Variants in KCND2 observed in about 807,000 individuals in gnomAD.
KCND2 encodes potassium voltage-gated channel subfamily D member 2.
A neutral mutation model predicts 54.4 loss-of-function variants in KCND2; 16 were observed. That is an observed-to-expected ratio of 0.29 (90% CI 0.20 to 0.45). The LOEUF (loss-of-function observed/expected upper bound fraction) is 0.45. Among genes scored for constraint, KCND2 ranks in the 20% least tolerant of loss-of-function variants. The pLI is 1.00. For missense variants in KCND2, 486 were observed against 824.2 expected (o/e 0.59, Z 5.02); for synonymous variants, 317 against 310.7 (o/e 1.02, Z -0.21).
At chr7:120,451,086 C>G (rs1178897016) in intron 1 of KCND2, among the ~76,000 whole-genome samples, 3 of 152,198 alleles carry the variant, frequency 2.0e-5, no homozygotes, top group African/African-American at 7.2e-5. Context: ...CACCTACCCT[C>G]TTACCCACAG....
intron 1 of KCND2, among the ~76,000 whole-genome samples, chr7:120,644,474 A>G (rs1051548489): frequency 2.6e-5 from 4 of 152,210 alleles, no homozygotes; most frequent in African/African-American, 9.6e-5. Flanking sequence ...AGAAAATAAC[A>G]AACTACCAGG....
At chr7:120,320,742 A>T (rs563500562) in intron 1 of KCND2, among the ~76,000 whole-genome samples, 1 of 152,228 alleles carries the variant, frequency 6.6e-6, no homozygotes, top group South Asian at 2.1e-4. Context: ...GCAAAGAACT[A>T]AGAGTCTAAG....
In KCND2 at chr7:120,494,808, A is replaced by T. The variant is rs182415039; in HGVS notation, c.1115+219061A>T. On this transcript the variant is annotated intron_variant, in intron 1 of 5. Coordinates refer to ENST00000331113, the MANE Select transcript of KCND2 (RefSeq NM_012281.3). Reference sequence around the variant, plus strand: ...GAAAATGATTATATCACAGCATTTTAAAGTAGATAACATGTCTGAAAATAG... The same window carrying T: ...GAAAATGATTATATCACAGCATTTTTAAGTAGATAACATGTCTGAAAATAG... Among the ~76,000 whole-genome samples, 583 of 152,120 alleles carry T rather than the reference A, an allele frequency of 3.8e-3. 4 individuals carry two copies. The highest frequency in any genetic ancestry group is 0.013 in the African/African-American group (534 of 41,556).
At chr7:120,745,691 G>A in intron 4 of KCND2, 89 bp from the exon 5 acceptor site, 1 of 1,358,624 alleles carries the variant, frequency 7.4e-7, no homozygotes, top group Non-Finnish European at 1.0e-6. Context: ...CTATACTTGG[G>A]CAGATTTGAG....
intron 1 of KCND2, among the ~76,000 whole-genome samples, chr7:120,602,148 T>G (rs1792821364): frequency 6.6e-6 from 1 of 152,180 alleles, no homozygotes. Flanking sequence ...AGTAAAGTCA[T>G]GTAAATAGCA....
At chr7:120,293,037 T>C (rs1420246763) in intron 1 of KCND2, among the ~76,000 whole-genome samples, 2 of 151,936 alleles carry the variant, frequency 1.3e-5, no homozygotes, top group African/African-American at 4.8e-5. Context: ...TCAGGTCTTT[T>C]ACTTTTATTT....
At chr7:120,460,454 C>G (rs979759670) in intron 1 of KCND2, among the ~76,000 whole-genome samples, 2 of 151,912 alleles carry the variant, frequency 1.3e-5, no homozygotes, top group African/African-American at 4.8e-5. Context: ...AGTATCTCTT[C>G]AAGCATCAGG....
chr7:120,297,845 T>G (rs1799532338), intron 1 of KCND2, among the ~76,000 whole-genome samples: 1 of 152,128 alleles, frequency 6.6e-6, no homozygotes, highest in South Asian at 2.1e-4. Context: ...TAAATAATAT[T>G]AACTTTGCAT....
At chr7:120,593,686 A>G (rs1168375730) in intron 1 of KCND2, among the ~76,000 whole-genome samples, 2 of 152,172 alleles carry the variant, frequency 1.3e-5, no homozygotes, top group Non-Finnish European at 2.9e-5. Context: ...TATATAAACG[A>G]CCATGCATAA....
At chr7:120,637,912 G>A (rs1344541837) in intron 1 of KCND2, among the ~76,000 whole-genome samples, 1 of 151,728 alleles carries the variant, frequency 6.6e-6, no homozygotes, top group Non-Finnish European at 1.5e-5. Context: ...TTACCTCAAA[G>A]CTAAAATAAA....
intron 1 of KCND2, among the ~76,000 whole-genome samples, chr7:120,643,770 C>A (rs1037671157): frequency 2.6e-5 from 4 of 151,216 alleles, no homozygotes; most frequent in Non-Finnish European, 5.9e-5. Flanking sequence ...ACAAAATAAT[C>A]TAAACTATTT....
intron 1 of KCND2, among the ~76,000 whole-genome samples, chr7:120,674,109 G>T (rs975878918): frequency 6.6e-5 from 10 of 151,938 alleles, no homozygotes; most frequent in African/African-American, 1.9e-4. Flanking sequence ...TCACCATGTT[G>T]TCCAGGCTGG....
intron 2 of KCND2, chr7:120,740,787 T>G (rs922878511): frequency 8.9e-6 from 4 of 448,110 alleles, no homozygotes; most frequent in South Asian, 3.2e-5. Context: ...TCTCTCTGGA[T>G]AGGCTTACTA....
At chr7:120,623,167 G>T (rs1370125185) in intron 1 of KCND2, among the ~76,000 whole-genome samples, 1 of 152,126 alleles carries the variant, frequency 6.6e-6, no homozygotes, top group Non-Finnish European at 1.5e-5. Flanking sequence ...GCAGATACTA[G>T]TTACTGTATA....
chr7:120,701,240 T>TAAAAAAAAAAAAAAAAA (rs34803439), intron 1 of KCND2, among the ~76,000 whole-genome samples: 8 of 55,140 alleles, frequency 1.5e-4, no homozygotes, highest in East Asian at 5.2e-4. Flanking sequence ...AATGCCTAGC[T>TAAAAAAAAAAAAAAAAA]AAAAAAAAAA....
At chr7:120,501,890 A>G (rs802352) in intron 1 of KCND2, among the ~76,000 whole-genome samples, 31,912 of 151,972 alleles carry the variant, frequency 0.21, 3,975 homozygotes, top group East Asian at 0.53. Context: ...AAATGTTTTG[A>G]CTAAGTTAAA....
At chr7:120,392,439 GT>G (rs79468718) in intron 1 of KCND2, among the ~76,000 whole-genome samples, 172 of 138,274 alleles carry the variant, frequency 1.2e-3, no homozygotes, top group Middle Eastern at 3.6e-3. Context: ...AGTTTTTTTT[GT>G]TTTTTTTTTT....
At chr7:120,675,307 A>G (rs972214725) in intron 1 of KCND2, among the ~76,000 whole-genome samples, 5 of 152,132 alleles carry the variant, frequency 3.3e-5, no homozygotes, top group African/African-American at 2.4e-5. Context: ...ATCTCAGCTC[A>G]CTGTAATCTC....
intron 1 of KCND2, among the ~76,000 whole-genome samples, chr7:120,587,207 C>A (rs1792610964): frequency 6.6e-6 from 1 of 152,104 alleles, no homozygotes; most frequent in South Asian, 2.1e-4. Flanking sequence ...AGACTTGTGA[C>A]AAGTATGTTT....
Sources: allele counts gnomAD v4.1 joint callset (sites outside exome capture counted in the v4.1 genomes callset), GRCh38; gene constraint gnomAD v4.1.1; transcripts MANE v1.5; gene names NCBI Gene and HGNC (gene_info 2026-07-23, HGNC 2026-07-21).